The following LRMDA variants were observed in gnomAD, a reference collection of about 807,000 sequenced individuals.
LRMDA encodes leucine-rich melanocyte differentiation-associated protein.
Under a neutral mutation model 29.8 loss-of-function variants are expected in LRMDA, and 18 were observed. That is an observed-to-expected ratio of 0.60 (90% CI 0.42 to 0.90). The LOEUF (loss-of-function observed/expected upper bound fraction) is 0.90, where lower values mean the gene tolerates loss of function less well. Among genes scored for constraint, LRMDA ranks in the 40% least tolerant of loss-of-function variants. The probability of loss-of-function intolerance (pLI) is 0.00; values close to 1 mark genes in which losing one functional copy is unlikely to be tolerated. For missense variants in LRMDA, 273 were observed against 273.9 expected, an observed-to-expected ratio of 1.00 and a Z score of 0.02; for synonymous variants, 125 against 109.4, an observed-to-expected ratio of 1.14 and a Z score of -0.89.
At chr10:76,435,901 A>T (rs760771322) in intron 6 of LRMDA, among the ~76,000 whole-genome samples, 1 of 152,246 alleles carries the variant, frequency 6.6e-6, no homozygotes, top group Non-Finnish European at 1.5e-5. Context: ...CGAACAGATG[A>T]CAAAAAGAAA....
intron 4 of LRMDA, among the ~76,000 whole-genome samples, chr10:76,056,809 G>C (rs942169127): frequency 5.3e-5 from 8 of 151,816 alleles, no homozygotes; most frequent in Non-Finnish European, 1.2e-4. Context: ...GGATGCCTGG[G>C]TCTGCAGCTG....
At chr10:76,543,560 T>G (rs1456342560) in intron 6 of LRMDA, among the ~76,000 whole-genome samples, 1 of 152,202 alleles carries the variant, frequency 6.6e-6, no homozygotes, top group East Asian at 1.9e-4. Context: ...ATAGGACTTC[T>G]GTCCTGTTTC....
rs567062424 is a variant in LRMDA at position 75,764,378 on chromosome 10, G to A, written c.132-271630G>A. On this transcript the variant is annotated intron_variant, in intron 2 of 6. Transcript: ENST00000611255. ...AGCTGGGGTTTTTCATTTAAACTCCGTCTGAAAGTCTTTATGCAAAACAGC... is the reference window on the plus strand; with the variant it reads ...AGCTGGGGTTTTTCATTTAAACTCCATCTGAAAGTCTTTATGCAAAACAGC... 1.2e-3 allele frequency among the ~76,000 whole-genome samples: 181 copies of A among 152,234 alleles called. 2 individuals carry two copies. In the South Asian group the frequency reaches 0.031, roughly 26 times the overall value.
chr10:76,226,171 G>T (rs1421157601), intron 5 of LRMDA, among the ~76,000 whole-genome samples: 1 of 152,118 alleles, frequency 6.6e-6, no homozygotes, highest in Non-Finnish European at 1.5e-5. Context: ...AGTTCCAGAA[G>T]GCTGGGGAGA....
intron 2 of LRMDA, among the ~76,000 whole-genome samples, chr10:75,712,521 A>T (rs1364529623): frequency 6.6e-6 from 1 of 152,118 alleles, no homozygotes; most frequent in Non-Finnish European, 1.5e-5. Context: ...TGAAGTCAGC[A>T]CTGACAAAGT....
chr10:75,453,314 C>T (rs1844480245), intron 2 of LRMDA, among the ~76,000 whole-genome samples: 1 of 152,174 alleles, frequency 6.6e-6, no homozygotes. Context: ...TGGTTTCCTA[C>T]ACTGTCTTTT....
intron 2 of LRMDA, among the ~76,000 whole-genome samples, chr10:75,772,461 A>G (rs1427333905): frequency 2.6e-5 from 4 of 152,204 alleles, no homozygotes; most frequent in Non-Finnish European, 5.9e-5. Flanking sequence ...TTCATTTTGC[A>G]GTTGCTTTGC....
intron 1 of LRMDA, 29 bp downstream of exon 1, chr10:75,431,783 C>T (rs1564769636): frequency 2.2e-6 from 3 of 1,346,778 alleles, no homozygotes; most frequent in Non-Finnish European, 1.9e-6. Flanking sequence ...CGCCTCCGCC[C>T]GGGGCGCAGT....
At chr10:76,175,799 C>T (rs188116435) in intron 5 of LRMDA, among the ~76,000 whole-genome samples, 19 of 152,284 alleles carry the variant, frequency 1.2e-4, no homozygotes, top group East Asian at 7.7e-4. Context: ...GTTAGAGATG[C>T]GCCCAGTTGG....
At chr10:76,404,683 A>G (rs994738363) in intron 6 of LRMDA, among the ~76,000 whole-genome samples, 1 of 152,168 alleles carries the variant, frequency 6.6e-6, no homozygotes, top group Admixed American at 6.5e-5. Context: ...TGTTTCCTCC[A>G]AAGTCTCCTT....
intron 2 of LRMDA, among the ~76,000 whole-genome samples, chr10:75,598,173 C>A (rs1033818581): frequency 1.3e-5 from 2 of 152,162 alleles, no homozygotes; most frequent in African/African-American, 4.8e-5. Context: ...TGTGTATTTT[C>A]GAATTGTGCA....
intron 2 of LRMDA, among the ~76,000 whole-genome samples, chr10:75,923,968 G>A (rs567718117): frequency 1.1e-4 from 17 of 152,186 alleles, no homozygotes; most frequent in Admixed American, 2.6e-4. Context: ...TCATTTCCTC[G>A]GATTATCATC....
intron 6 of LRMDA, among the ~76,000 whole-genome samples, chr10:76,528,220 T>C (rs186440347): frequency 1.6e-4 from 24 of 152,240 alleles, no homozygotes; most frequent in African/African-American, 5.8e-4. Flanking sequence ...ACTAAAATAT[T>C]CACTATAGTA....
At position 75,860,311 on chromosome 10, in the gene LRMDA, G is replaced by GT. The variant is rs56875392; in HGVS notation, c.132-175670dup. ...AAGCTAGATCATTATGATGTTTCTG[G>GT]TTTTTTTTTTTTTTTTTTTTTTTTT... On this transcript the variant is annotated intron_variant, in intron 2 of 6. Coordinates refer to ENST00000611255, the MANE Select transcript of LRMDA (RefSeq NM_001305581.2). Among the ~76,000 whole-genome samples the GT allele has an allele frequency of 6.5e-3, 447 of 69,302 alleles. 23 individuals are homozygous for GT. The highest frequency in any genetic ancestry group is 9.3e-3 in the Middle Eastern group (1 of 108). 45.5% of individuals were successfully genotyped at this position (69,302 alleles called of 152,430 possible).
chr10:76,434,844 C>A (rs1260430263), intron 6 of LRMDA, among the ~76,000 whole-genome samples: 3 of 152,184 alleles, frequency 2.0e-5, no homozygotes. Flanking sequence ...CACACTGCCA[C>A]CCAACCATTA....
At chr10:75,491,053 G>A (rs1844980997) in intron 2 of LRMDA, among the ~76,000 whole-genome samples, 2 of 152,290 alleles carry the variant, frequency 1.3e-5, no homozygotes, top group African/African-American at 4.8e-5. Context: ...CATACCATCA[G>A]GAAGGAAGGA....
chr10:75,572,755 A>G (rs1347543149), intron 2 of LRMDA, among the ~76,000 whole-genome samples: 1 of 152,172 alleles, frequency 6.6e-6, no homozygotes, highest in Non-Finnish European at 1.5e-5. Context: ...GTTTCTTCCT[A>G]AAATTTATAT....
intron 2 of LRMDA, among the ~76,000 whole-genome samples, chr10:75,764,354 G>A (rs1377760470): frequency 6.6e-6 from 1 of 152,204 alleles, no homozygotes; most frequent in African/African-American, 2.4e-5. Context: ...CTGTGGTTGA[G>A]CTGGGGTTTT....
chr10:75,529,005 A>C lies in LRMDA; in HGVS notation c.131+90511A>C, dbSNP rs559030596. 3.9e-5 allele frequency among the ~76,000 whole-genome samples: 6 copies of C among 152,336 alleles called. No individual in the cohort carries two copies. In the South Asian group the frequency reaches 1.2e-3, roughly 32 times the overall value. Reference sequence around the variant, plus strand: ...AGTAAGAGAAGGCAAAGATATGGAAATGAGAGAGGGGAGAAAAAAGGAGCA... The same window carrying C: ...AGTAAGAGAAGGCAAAGATATGGAACTGAGAGAGGGGAGAAAAAAGGAGCA... On this transcript the variant is annotated intron_variant, in intron 2 of 6. Coordinates refer to ENST00000611255, the MANE Select transcript of LRMDA (RefSeq NM_001305581.2).
Sources: allele counts gnomAD v4.1 joint callset (sites outside exome capture counted in the v4.1 genomes callset), GRCh38; gene constraint gnomAD v4.1.1; transcripts MANE v1.5; gene names NCBI Gene and HGNC (gene_info 2026-07-23, HGNC 2026-07-21).